Variants in HIBADH observed in about 807,000 individuals in gnomAD.
The protein encoded by HIBADH is 3-hydroxyisobutyrate dehydrogenase, also known as 3-hydroxyisobutyrate dehydrogenase, mitochondrial.
HIBADH carries 25 observed loss-of-function variants against 36.1 expected under a neutral mutation model. The ratio of observed to expected loss-of-function variants is 0.69; its 90% CI spans 0.50 to 0.97. The LOEUF (loss-of-function observed/expected upper bound fraction) is 0.97. HIBADH is among the 50% of genes least tolerant of loss of function. The probability of loss-of-function intolerance (pLI) is 0.00; values close to 1 mark genes in which losing one functional copy is unlikely to be tolerated. For missense variants in HIBADH, 421 were observed against 418.0 expected, an observed-to-expected ratio of 1.01 and a Z score of -0.06; for synonymous variants, 160 against 149.5, an observed-to-expected ratio of 1.07 and a Z score of -0.51.
At chr7:27,539,154 C>G (rs1319516742) in intron 5 of HIBADH, among the ~76,000 whole-genome samples, 1 of 152,074 alleles carries the variant, frequency 6.6e-6, no homozygotes, top group East Asian at 1.9e-4. Flanking sequence ...TGGGGAAGCA[C>G]TATGATGATA....
At chr7:27,617,924 C>T (rs1785459857) in intron 4 of HIBADH, among the ~76,000 whole-genome samples, 1 of 152,194 alleles carries the variant, frequency 6.6e-6, no homozygotes, top group South Asian at 2.1e-4. Context: ...CTTTAACCCA[C>T]AGGGTATACT....
At chr7:27,637,264 A>C (rs1785856487) in intron 2 of HIBADH, among the ~76,000 whole-genome samples, 1 of 152,206 alleles carries the variant, frequency 6.6e-6, no homozygotes, top group South Asian at 2.1e-4. Flanking sequence ...ACAGCTAGCA[A>C]ATGGCAGAGC....
At position 27,578,677 on chromosome 7, in the gene HIBADH, G is replaced by A. The variant is rs1024583964; in HGVS notation, c.485-35577C>T. 2.0e-5 allele frequency among the ~76,000 whole-genome samples: 3 copies of A among 152,048 alleles called. No homozygotes were observed. The South Asian group carries it at 6.2e-4, about 32-fold the overall frequency. The stretch of plus-strand genomic sequence containing the variant: ...CCAGATTATATTTAGAGCGCATATT[G>A]GACACTGATTTTTACTAAAAATAAA... On this transcript the variant is annotated intron_variant, in intron 4 of 7. Transcript: ENST00000265395.
intron 3 of HIBADH, among the ~76,000 whole-genome samples, chr7:27,630,594 AT>A (rs1169877836): frequency 1.3e-5 from 2 of 152,222 alleles, no homozygotes; most frequent in Admixed American, 6.5e-5. Flanking sequence ...TATTAAAAAA[AT>A]AGCACACAAA....
At chr7:27,563,900 C>CT (rs56869443) in intron 4 of HIBADH, among the ~76,000 whole-genome samples, 96,586 of 133,442 alleles carry the variant, frequency 0.72, 35,222 homozygotes, top group East Asian at 0.93. Context: ...TGTTAATTTT[C>CT]TTTTTTTTTT....
chr7:27,582,845 A>G (rs1423493175), intron 4 of HIBADH, among the ~76,000 whole-genome samples: 3 of 152,080 alleles, frequency 2.0e-5, no homozygotes, highest in East Asian at 1.9e-4. Flanking sequence ...AATTAGCTCT[A>G]CCTCTACAAA....
intron 4 of HIBADH, among the ~76,000 whole-genome samples, chr7:27,560,229 C>G (rs1323481666): frequency 6.6e-6 from 1 of 152,206 alleles, no homozygotes; most frequent in Non-Finnish European, 1.5e-5. Context: ...TCAAGCGATT[C>G]TCCTGTCTCA....
intron 7 of HIBADH, 44 bp from the exon 8 acceptor site, chr7:27,526,416 AGGCTCT>A: frequency 6.5e-7 from 1 of 1,543,508 alleles, no homozygotes; most frequent in Non-Finnish European, 8.8e-7. Flanking sequence ...CTGGTGGTAA[AGGCTCT>A]TTGGAACTGT....
chr7:27,554,936 C>T (rs1216570091), intron 4 of HIBADH, among the ~76,000 whole-genome samples: 2 of 152,164 alleles, frequency 1.3e-5, no homozygotes, highest in Admixed American at 1.3e-4. Context: ...CTCTGCCATT[C>T]TTGGTAGCCC....
At chr7:27,556,831 T>C (rs1382436387) in intron 4 of HIBADH, among the ~76,000 whole-genome samples, 1 of 152,172 alleles carries the variant, frequency 6.6e-6, no homozygotes, top group Non-Finnish European at 1.5e-5. Context: ...GGAGTCCTAA[T>C]TGTCTTATTA....
chr7:27,543,141 T>C (rs1033298999), intron 4 of HIBADH, 41 bp from the exon 5 acceptor site: 3 of 1,604,488 alleles, frequency 1.9e-6, no homozygotes, highest in African/African-American at 2.7e-5. Context: ...CAAAAGAATA[T>C]ATTTCTTAAA....
chr7:27,602,634 A>C (rs1416442512), intron 4 of HIBADH, among the ~76,000 whole-genome samples: 1 of 152,176 alleles, frequency 6.6e-6, no homozygotes, highest in Non-Finnish European at 1.5e-5. Context: ...CCAAAAGTAC[A>C]CTTAAAACTG....
intron 4 of HIBADH, among the ~76,000 whole-genome samples, chr7:27,576,561 A>C (rs1035997588): frequency 6.6e-6 from 1 of 152,196 alleles, no homozygotes; most frequent in Non-Finnish European, 1.5e-5. Flanking sequence ...ATAATTTTCC[A>C]ATGCTATATT....
chr7:27,650,473 T>C (rs1045302708), intron 1 of HIBADH, among the ~76,000 whole-genome samples: 1 of 125,750 alleles, frequency 8.0e-6, no homozygotes, highest in Non-Finnish European at 1.6e-5. Context: ...TATTTATTTA[T>C]TTATTTATTT....
At chr7:27,527,205 G>C (rs1783915563) in intron 7 of HIBADH, among the ~76,000 whole-genome samples, 1 of 152,090 alleles carries the variant, frequency 6.6e-6, no homozygotes, top group African/African-American at 2.4e-5. Flanking sequence ...AGGCATCTGG[G>C]GGCTTGTCAG....
intron 4 of HIBADH, among the ~76,000 whole-genome samples, chr7:27,579,000 A>G (rs1201424018): frequency 1.3e-5 from 2 of 152,238 alleles, no homozygotes; most frequent in African/African-American, 4.8e-5. Flanking sequence ...ATGTCAAGAT[A>G]GATTATTTTT....
chr7:27,555,301 ACT>A (rs1491550331), intron 4 of HIBADH, among the ~76,000 whole-genome samples: 14 of 65,536 alleles, frequency 2.1e-4, no homozygotes, highest in African/African-American at 9.0e-4. Flanking sequence ...TTCTTGCTCT[ACT>A]TTTTTTTTTT....
intron 4 of HIBADH, among the ~76,000 whole-genome samples, chr7:27,558,423 G>T (rs767513422): frequency 6.6e-6 from 1 of 152,080 alleles, no homozygotes; most frequent in African/African-American, 2.4e-5. Context: ...CAACTCCCAG[G>T]CTCGAGCAAT....
intron 4 of HIBADH, among the ~76,000 whole-genome samples, chr7:27,561,244 A>G (rs1437171129): frequency 6.6e-6 from 1 of 152,028 alleles, no homozygotes; most frequent in Non-Finnish European, 1.5e-5. Context: ...TGCCCCTTAT[A>G]TTTTCAAATT....
Sources: allele counts gnomAD v4.1 joint callset (sites outside exome capture counted in the v4.1 genomes callset), GRCh38; gene constraint gnomAD v4.1.1; transcripts MANE v1.5; gene names NCBI Gene and HGNC (gene_info 2026-07-23, HGNC 2026-07-21).